Variants in PTPRD observed in about 807,000 individuals in gnomAD.
PTPRD encodes the protein protein tyrosine phosphatase receptor type D.
A neutral mutation model predicts 214.5 loss-of-function variants in PTPRD; 34 were observed. The observed-to-expected ratio is 0.16, with a 90% CI of 0.12 to 0.21. PTPRD has a LOEUF of 0.21. PTPRD is among the 10% of genes least tolerant of loss of function. The probability of loss-of-function intolerance (pLI) is 1.00; values close to 1 mark genes in which losing one functional copy is unlikely to be tolerated. For synonymous variants in PTPRD, 1,128 were observed against 845.7 expected (o/e 1.33, Z -5.79); for missense variants, 2,545 against 2,398.7 (o/e 1.06, Z -1.27).
intron 11 of PTPRD, among the ~76,000 whole-genome samples, chr9:9,000,275 G>A (rs1461572932): frequency 6.6e-6 from 1 of 151,894 alleles, no homozygotes; most frequent in Non-Finnish European, 1.5e-5. Flanking sequence ...TCTTTAATTA[G>A]GTAATCTCCA....
chr9:10,280,543 G>T (rs917591036), intron 3 of PTPRD, among the ~76,000 whole-genome samples: 1 of 152,142 alleles, frequency 6.6e-6, no homozygotes, highest in Non-Finnish European at 1.5e-5. Flanking sequence ...AACACACGAA[G>T]ATCCTGTTAC....
At chr9:9,159,498 C>G (rs1044107821) in intron 10 of PTPRD, among the ~76,000 whole-genome samples, 3 of 151,952 alleles carry the variant, frequency 2.0e-5, no homozygotes, top group Non-Finnish European at 4.4e-5. Flanking sequence ...TAAATTTAAT[C>G]ATGGAGGTGA....
At position 9,772,446 on chromosome 9, in the gene PTPRD, A is replaced by G. The variant is rs1175741839; in HGVS notation, c.-367-5595T>C. ...CACAAATATGCGACGGGTAAATTTT[A>G]TCCTTAGTGTTCTTGCATTTTACAT... On this transcript the variant is annotated intron_variant, in intron 5 of 45. Transcript: ENST00000381196. Among the ~76,000 whole-genome samples the G allele has an allele frequency of 4.2e-4, 64 of 152,150 alleles. 1 individual carries two copies. Among genetic ancestry groups the G allele is most frequent in the Admixed American group, 4.2e-3 (64 of 15,270 alleles).
chr9:9,365,639 C>T (rs891895620), intron 9 of PTPRD, among the ~76,000 whole-genome samples: 3 of 151,322 alleles, frequency 2.0e-5, no homozygotes, highest in African/African-American at 7.3e-5. Context: ...TAATAAATGT[C>T]TATGTTTTTT....
chr9:9,190,226 G>A (rs781772858), intron 9 of PTPRD, among the ~76,000 whole-genome samples: 2 of 151,960 alleles, frequency 1.3e-5, no homozygotes, highest in Non-Finnish European at 2.9e-5. Flanking sequence ...GCAGGAGTGA[G>A]CTCTTGATAA....
chr9:9,114,387 A>G (rs2099810167), intron 10 of PTPRD, among the ~76,000 whole-genome samples: 1 of 152,174 alleles, frequency 6.6e-6, no homozygotes, highest in African/African-American at 2.4e-5. Flanking sequence ...AAGGCCCCTT[A>G]CACTCGGAAA....
intron 2 of PTPRD, among the ~76,000 whole-genome samples, chr9:10,609,833 C>G (rs1206181181): frequency 1.3e-5 from 2 of 152,086 alleles, no homozygotes; most frequent in South Asian, 4.2e-4. Context: ...TCAACAAAAT[C>G]ATCTTTATGT....
intron 39 of PTPRD, among the ~76,000 whole-genome samples, chr9:8,347,059 C>T (rs1441266457): frequency 6.6e-6 from 1 of 151,990 alleles, no homozygotes; most frequent in Admixed American, 6.6e-5. Context: ...CAGGCATCCA[C>T]TGGGGATGTT....
chr9:8,711,835 G>C (rs111774851), intron 12 of PTPRD, among the ~76,000 whole-genome samples: 3 of 152,100 alleles, frequency 2.0e-5, no homozygotes, highest in African/African-American at 7.2e-5. Context: ...ACAACCCAAA[G>C]GAATAAATAA....
intron 8 of PTPRD, among the ~76,000 whole-genome samples, chr9:9,497,256 A>G (rs1184311499): frequency 6.6e-6 from 1 of 152,152 alleles, no homozygotes; most frequent in Non-Finnish European, 1.5e-5. Flanking sequence ...CTTTTATGTC[A>G]CGTGTATTTT....
chr9:8,677,543 G>A (rs1248174989), intron 12 of PTPRD, among the ~76,000 whole-genome samples: 2 of 152,112 alleles, frequency 1.3e-5, no homozygotes, highest in Admixed American at 1.3e-4. Flanking sequence ...TGAGGAGGGT[G>A]AGGATCAAAC....
chr9:10,442,475 A>C (rs547321903), intron 2 of PTPRD, among the ~76,000 whole-genome samples: 1 of 151,718 alleles, frequency 6.6e-6, no homozygotes, highest in East Asian at 1.9e-4. Flanking sequence ...AGGCATAGAG[A>C]AGGGGCAATC....
intron 9 of PTPRD, among the ~76,000 whole-genome samples, chr9:9,373,274 A>G (rs754864091): frequency 2.0e-5 from 3 of 152,080 alleles, no homozygotes; most frequent in Non-Finnish European, 4.4e-5. Flanking sequence ...GAATCCTGCT[A>G]AATTTGGTGA....
chr9:9,365,070 T>C (rs2057475078), intron 9 of PTPRD, among the ~76,000 whole-genome samples: 1 of 151,434 alleles, frequency 6.6e-6, no homozygotes, highest in African/African-American at 2.4e-5. Context: ...TGGAAACATG[T>C]CACCGTCATA....
chr9:9,761,098 C>T (rs1292879855), intron 6 of PTPRD, among the ~76,000 whole-genome samples: 1 of 152,146 alleles, frequency 6.6e-6, no homozygotes, highest in Non-Finnish European at 1.5e-5. Flanking sequence ...AACACGTATA[C>T]AAATGCTTAT....
intron 7 of PTPRD, among the ~76,000 whole-genome samples, chr9:9,691,783 G>T (rs771918197): frequency 6.6e-6 from 1 of 151,850 alleles, no homozygotes; most frequent in Non-Finnish European, 1.5e-5. Context: ...TCTCGCCAGC[G>T]TTTGTTATTG....
At chr9:10,395,963 G>A (rs2098162073) in intron 2 of PTPRD, among the ~76,000 whole-genome samples, 1 of 151,464 alleles carries the variant, frequency 6.6e-6, no homozygotes, top group South Asian at 2.1e-4. Context: ...ATGAGAGAGA[G>A]AGAGAGAGAG....
chr9:10,395,911 GGAA>G (rs2098160325), intron 2 of PTPRD, among the ~76,000 whole-genome samples: 1 of 149,786 alleles, frequency 6.7e-6, no homozygotes, highest in Non-Finnish European at 1.5e-5. Flanking sequence ...AAGTAGCAGA[GGAA>G]GAAGAAGGAA....
intron 11 of PTPRD, among the ~76,000 whole-genome samples, chr9:8,862,490 C>A (rs1401850112): frequency 6.6e-6 from 1 of 152,186 alleles, no homozygotes; most frequent in East Asian, 1.9e-4. Flanking sequence ...AGTAACATTG[C>A]ATGCTTAGGT....
Sources: gnomAD v4.1 joint callset for allele counts (sites outside exome capture counted in the v4.1 genomes callset) on GRCh38, gnomAD v4.1.1 for gene constraint, MANE v1.5 for transcripts, NCBI Gene and HGNC (gene_info 2026-07-23, HGNC 2026-07-21) for gene names.